CASK: variants seen among roughly 807,000 people sequenced by gnomAD.
The protein encoded by CASK is peripheral plasma membrane protein CASK.
In CASK, 4 loss-of-function variants were observed where a neutral mutation model predicts 82.9. The ratio of observed to expected loss-of-function variants is 0.05; its 90% CI spans 0.02 to 0.11. The LOEUF is 0.11. Ranked by LOEUF, CASK falls within the 10% of genes least tolerant of loss-of-function variation. The pLI, the probability that CASK is intolerant of heterozygous loss-of-function variation, is 1.00. For missense variants in CASK, 358 were observed against 720.9 expected (o/e 0.50, Z 5.76); for synonymous variants, 259 against 253.5 (o/e 1.02, Z -0.20).
chrX:41,791,961 G>T (rs1483358681), intron 2 of CASK, among the ~76,000 whole-genome samples: 1 of 111,065 alleles, frequency 9.0e-6, no homozygotes, highest in Non-Finnish European at 1.9e-5. Context: ...AATACAGGTA[G>T]CAATATTTAA....
chrX:41,880,573 T>C (rs745791376), intron 1 of CASK, among the ~76,000 whole-genome samples: 1 of 111,550 alleles, frequency 9.0e-6, no homozygotes, highest in Non-Finnish European at 1.9e-5. Flanking sequence ...TGCCTCACCA[T>C]TGGAATATAC....
intron 2 of CASK, among the ~76,000 whole-genome samples, chrX:41,790,495 A>G (rs1311321850): frequency 9.0e-6 from 1 of 111,686 alleles, no homozygotes; most frequent in Non-Finnish European, 1.9e-5. Context: ...TCACATTTTG[A>G]TTTGGTAAAT....
chrX:41,637,378 CTTTTTTTTTTTTTTTTTTTTT>C (rs758261036), intron 8 of CASK, among the ~76,000 whole-genome samples: 1 of 36,893 alleles, frequency 2.7e-5, no homozygotes, highest in East Asian at 1.1e-3. Context: ...TTAGGACACG[CTTTTTTTTTTTTTTTTTTTTT>C]TTTTTTTTTT....
intron 12 of CASK, among the ~76,000 whole-genome samples, chrX:41,600,818 G>T (rs112719320): frequency 0.025 from 2,773 of 111,757 alleles, 94 homozygotes; most frequent in African/African-American, 0.085. Context: ...TGAGAATTTG[G>T]TTTTTCCTAG....
At chrX:41,775,976 G>A (rs1259688847) in intron 3 of CASK, among the ~76,000 whole-genome samples, 1 of 107,871 alleles carries the variant, frequency 9.3e-6, no homozygotes, top group Non-Finnish European at 1.9e-5. Context: ...CATGGCACAC[G>A]TATACATATG....
At chrX:41,903,700 A>AT (rs995798414) in intron 1 of CASK, among the ~76,000 whole-genome samples, 1 of 110,557 alleles carries the variant, frequency 9.0e-6, no homozygotes, top group African/African-American at 3.3e-5. Flanking sequence ...TTCTTCCTTT[A>AT]TTTTTTGGTC....
chrX:41,668,015 C>T (rs2067142779), intron 6 of CASK, among the ~76,000 whole-genome samples: 2 of 111,643 alleles, frequency 1.8e-5, no homozygotes, highest in African/African-American at 6.5e-5. Flanking sequence ...TTTAGTTCTG[C>T]GTTCTCCTAA....
chrX:41,816,966 T>G (rs1223219219), intron 2 of CASK, among the ~76,000 whole-genome samples: 1 of 111,919 alleles, frequency 8.9e-6, no homozygotes, highest in Non-Finnish European at 1.9e-5. Flanking sequence ...GAACACTTTC[T>G]AATTCACTCT....
chrX:41,577,852 G>C, intron 15 of CASK, among the ~76,000 whole-genome samples: 1 of 111,686 alleles, frequency 9.0e-6, no homozygotes, highest in East Asian at 2.8e-4. Context: ...TAGGTAGCTG[G>C]GAGTGGAAGA....
intron 25 of CASK, among the ~76,000 whole-genome samples, chrX:41,527,638 G>A (rs944490809): frequency 8.9e-6 from 1 of 112,141 alleles, no homozygotes; most frequent in Non-Finnish European, 1.9e-5. Context: ...ATAGTCTCTG[G>A]TTCAGAACCT....
chrX:41,606,830 C>A (rs1018134306), intron 12 of CASK, among the ~76,000 whole-genome samples: 5 of 109,847 alleles, frequency 4.6e-5, no homozygotes, highest in African/African-American at 1.7e-4. Flanking sequence ...GTAGCTGGGA[C>A]CACAGGCATA....
At chrX:41,848,982 A>G (rs778276706) in intron 2 of CASK, among the ~76,000 whole-genome samples, 25 of 111,782 alleles carry the variant, frequency 2.2e-4, no homozygotes, top group Admixed American at 1.5e-3. Context: ...TGATTCTGAC[A>G]TTTCTGTCAG....
At chrX:41,902,532 C>T (rs2072402113) in intron 1 of CASK, among the ~76,000 whole-genome samples, 1 of 111,748 alleles carries the variant, frequency 8.9e-6, no homozygotes, top group African/African-American at 3.3e-5. Context: ...TGGGATAATC[C>T]CCCATCTCAA....
At chrX:41,622,899 G>C (rs930938650) in intron 10 of CASK, among the ~76,000 whole-genome samples, 8 of 47,184 alleles carry the variant, frequency 1.7e-4, no homozygotes, top group Admixed American at 2.6e-4. Context: ...TTTTTTTTTT[G>C]AGATGGGGTC....
At chrX:41,774,358 T>C (rs889097888) in intron 3 of CASK, among the ~76,000 whole-genome samples, 1 of 111,229 alleles carries the variant, frequency 9.0e-6, no homozygotes, top group Non-Finnish European at 1.9e-5. Context: ...GAGAATAAAA[T>C]ACTTAGGAAT....
At position 41,548,839 on chromosome X, in the gene CASK, G is replaced by T. The variant is rs5918199; in HGVS notation, c.2039+4880C>A. Among the ~76,000 whole-genome samples the T allele has an allele frequency of 3.6e-5, 4 of 111,667 alleles. 1 individual carries two copies. Among genetic ancestry groups the T allele is most frequent in the African/African-American group, 1.3e-4 (4 of 30,746 alleles). ...TTCTTAAGCTTAAAACAAAAATACA[G>T]GTTCCCAGGAAAAAATTGTGGCATA... On this transcript the variant is annotated intron_variant, in intron 21 of 26. Transcript: ENST00000378163.
chrX:41,529,420 C>T (rs771604134), intron 25 of CASK: 22 of 173,503 alleles, frequency 1.3e-4, no homozygotes, highest in East Asian at 2.2e-4. Flanking sequence ...GCGGTGGCGG[C>T]GGCAGCAGCG....
chrX:41,793,235 T>C (rs1427850834), intron 2 of CASK, among the ~76,000 whole-genome samples: 1 of 111,730 alleles, frequency 9.0e-6, no homozygotes, highest in Non-Finnish European at 1.9e-5. Context: ...TACACATACA[T>C]ATATATGCAC....
chrX:41,543,952 C>T (rs774087265), intron 21 of CASK, among the ~76,000 whole-genome samples: 5 of 112,030 alleles, frequency 4.5e-5, no homozygotes, highest in Non-Finnish European at 7.5e-5. Context: ...TTTTAGTTTA[C>T]GTTTCACTCA....
Sources: allele counts gnomAD v4.1 joint callset (sites outside exome capture counted in the v4.1 genomes callset), GRCh38; gene constraint gnomAD v4.1.1; transcripts MANE v1.5; gene names NCBI Gene and HGNC (gene_info 2026-07-23, HGNC 2026-07-21).